The following TDRD7 variants were observed in gnomAD, a reference collection of about 807,000 sequenced individuals.
The protein encoded by TDRD7 is tudor domain containing 7.
In TDRD7, 47 loss-of-function variants were observed where a neutral mutation model predicts 109.8. That is an observed-to-expected ratio of 0.43 (90% CI 0.34 to 0.55). TDRD7 has a LOEUF of 0.55. Among genes scored for constraint, TDRD7 ranks in the 20% least tolerant of loss-of-function variants. The pLI is 0.03. For missense variants in TDRD7, 1,164 were observed against 1,319.2 expected, an observed-to-expected ratio of 0.88 and a Z score of 1.82; for synonymous variants, 424 against 457.3, an observed-to-expected ratio of 0.93 and a Z score of 0.93.
chr9:97,428,355 T>A, intron 1 of TDRD7, 105 bp from the exon 2 acceptor site: 2 of 1,097,914 alleles, frequency 1.8e-6, no homozygotes. Context: ...GCACAGAAAG[T>A]ATGCAGTAAT....
At position 97,487,716 on chromosome 9, in the gene TDRD7, A is replaced by G. The variant is rs199827735; in HGVS notation, c.3076+384A>G. The stretch of plus-strand genomic sequence containing the variant: ...TTAATGGGTGCAAAAATTCTATCTA[A>G]TCAATACTTCCCTATTGATGAACAT... On this transcript the variant is annotated intron_variant, in intron 16 of 16. Transcript: ENST00000355295. Among the ~76,000 whole-genome samples the G allele has an allele frequency of 1.4e-4, 21 of 152,044 alleles. No individual in the cohort carries two copies. In the East Asian group the frequency reaches 4.1e-3, roughly 29 times the overall value.
rs545688884 is a variant in TDRD7 at position 97,462,758 on chromosome 9, A to G, written c.1442+1994A>G. Among the ~76,000 whole-genome samples the G allele has an allele frequency of 5.4e-4, 83 of 152,332 alleles. 1 individual carries two copies. In the South Asian group the frequency reaches 0.016, roughly 30 times the overall value. Reference sequence around the variant, plus strand: ...ATTACCCACTGTCATACAAGCTGTAATGTCAGTCCTGCACTGTGCCTCATC... The same window carrying G: ...ATTACCCACTGTCATACAAGCTGTAGTGTCAGTCCTGCACTGTGCCTCATC... On this transcript the variant is annotated intron_variant, in intron 7 of 16. Coordinates refer to ENST00000355295, the MANE Select transcript of TDRD7 (RefSeq NM_014290.3).
Position 97,494,712 on chromosome 9 carries a change from A to AT in TDRD7, c.3077-938dup, listed in dbSNP as rs796852536. The stretch of plus-strand genomic sequence containing the variant: ...TATATATGTATATATATATATATAT[A>AT]TTTTTTTTTTTTTCGAGAGGGTCTC... On this transcript the variant is annotated intron_variant, in intron 16 of 16. Transcript: ENST00000355295. Among the ~76,000 whole-genome samples, 249 of 73,502 alleles carry AT rather than the reference A, an allele frequency of 3.4e-3. 1 individual carries two copies. The highest frequency in any genetic ancestry group is 0.025 in the Middle Eastern group (4 of 158). 48.2% of individuals were successfully genotyped at this position (73,502 alleles called of 152,430 possible). A position where few individuals can be genotyped will look rare whatever the true frequency, so the allele number is the denominator to read the frequency against.
At chr9:97,445,770 G>A (rs4129746) in intron 6 of TDRD7, among the ~76,000 whole-genome samples, 79,176 of 151,934 alleles carry the variant, frequency 0.52, 20,858 homozygotes, top group African/African-American at 0.59. Context: ...GAAACACAGC[G>A]GGTCTCAGCC....
rs1231043349 is a variant in TDRD7, at chr9:97,460,191, G to T, written c.869G>T (p.Cys290Phe). 6.2e-7 allele frequency: 1 copy of T among 1,614,194 alleles called. No homozygotes were observed. Among genetic ancestry groups the T allele is most frequent in the East Asian group, 2.2e-5 (1 of 44,884 alleles). Residue 290 changes from cysteine to phenylalanine, a missense_variant, in exon 7 of 17, where the codon TGC becomes TTC. By Grantham distance (205) the Cys-to-Phe change is radical. Transcript: ENST00000355295. ...WPHICTVEKP[C>F]SGGQDLLLYP... Reference sequence around the variant, plus strand: ...TAAAAATTTCAGGTGGAGAAACCTTGCAGTGGTGGCCAAGATTTACTTCTT... The same window carrying T: ...TAAAAATTTCAGGTGGAGAAACCTTTCAGTGGTGGCCAAGATTTACTTCTT...
At chr9:97,473,694 T>C in intron 11 of TDRD7, 68 bp downstream of exon 11, 1 of 1,605,110 alleles carries the variant, frequency 6.2e-7, no homozygotes, top group Non-Finnish European at 8.5e-7. Context: ...TTTACTAAAT[T>C]GCATAAGTAT....
intron 1 of TDRD7, among the ~76,000 whole-genome samples, chr9:97,418,745 T>G (rs979721163): frequency 6.6e-6 from 1 of 152,142 alleles, no homozygotes; most frequent in African/African-American, 2.4e-5. Context: ...GACCTGTCCT[T>G]TCAAACCTGA....
intron 16 of TDRD7, among the ~76,000 whole-genome samples, chr9:97,489,509 C>G (rs1238133863): frequency 6.6e-6 from 1 of 152,126 alleles, no homozygotes; most frequent in East Asian, 1.9e-4. Flanking sequence ...CTTTCTCCAT[C>G]CCTTTACTTT....
At chr9:97,490,909 C>CTTTTTTTTTTTT (rs1174656625) in intron 16 of TDRD7, among the ~76,000 whole-genome samples, 10 of 77,648 alleles carry the variant, frequency 1.3e-4, no homozygotes, top group Admixed American at 1.9e-4. Context: ...CTTTTCTTTT[C>CTTTTTTTTTTTT]TTTTTTTTTT....
At chr9:97,435,267 A>G (rs1032254085) in intron 4 of TDRD7, among the ~76,000 whole-genome samples, 2 of 152,106 alleles carry the variant, frequency 1.3e-5, no homozygotes, top group Non-Finnish European at 2.9e-5. Flanking sequence ...TGAAGGACAC[A>G]TGGGACCTCT....
chr9:97,495,855 A>G lies in TDRD7; in HGVS notation c.3269A>G (p.Tyr1090Cys), dbSNP rs754009712. 6.3e-5 allele frequency: 101 copies of G among 1,614,014 alleles called. No homozygotes were observed. The highest frequency in any genetic ancestry group is 8.5e-5 in the Non-Finnish European group (100 of 1,179,964). ...TGGATTCATGATTTTATGTCAGAGTATCTGATAGAGCTTTCAAAAGTTAAT... is the reference window on the plus strand; with the variant it reads ...TGGATTCATGATTTTATGTCAGAGTGTCTGATAGAGCTTTCAAAAGTTAAT... ...DTWIHDFMSE[Y>C]LIELSKVN The change falls in exon 17 of 17, where the codon TAT becomes TGT. Residue 1090 changes from tyrosine (Y) to cysteine (C), a missense_variant. Physicochemically the swap from Tyr to Cys is radical, Grantham distance 194. Around this residue, in one of 5 missense-constraint regions of TDRD7, gnomAD observed 162 missense variants for 222.5 expected, o/e 0.73. Transcript: ENST00000355295.
chr9:97,483,257 CT>C lies in TDRD7; in HGVS notation c.2822del (p.Leu941ArgfsTer5). 1 of 1,613,672 alleles carries C rather than the reference CT, an allele frequency of 6.2e-7. No individual in the cohort carries two copies. Among genetic ancestry groups the C allele is most frequent in the Non-Finnish European group, 8.5e-7 (1 of 1,179,798 alleles). On this transcript the variant is annotated frameshift_variant, in exon 15 of 17. Coordinates refer to ENST00000355295, the MANE Select transcript of TDRD7 (RefSeq NM_014290.3). LOFTEE classifies it high-confidence loss of function. Reference sequence around the variant, plus strand: ...GCAGGAGATACATAAGTTGGAAGTTCTGATGGAAGAGATGATTCTATATTAC... The same window carrying C: ...GCAGGAGATACATAAGTTGGAAGTTCGATGGAAGAGATGATTCTATATTAC... Reference protein sequence around the residue: ...PWQEIHKLEVLMEEMILYYSV... With the variant: ...PWQEIHKLEVXMEEMILYYSV...
chr9:97,474,401 C>T (rs1828975630), intron 11 of TDRD7, among the ~76,000 whole-genome samples: 1 of 152,128 alleles, frequency 6.6e-6, no homozygotes, highest in African/African-American at 2.4e-5. Context: ...CATTCATATT[C>T]AGGTTTATAT....
In TDRD7 at chr9:97,460,405, TC is replaced by T. The variant is rs1178717222; in HGVS notation, c.1085del (p.Pro362ArgfsTer10). On this transcript the variant is annotated frameshift_variant, in exon 7 of 17. Coordinates refer to ENST00000355295, the MANE Select transcript of TDRD7 (RefSeq NM_014290.3). LOFTEE classifies it high-confidence loss of function. ...CAAGTGGCCTTTGGGCCAGTGCACTTCCGAAAGCATTTGAGGAAATGTACAA... is the reference window on the plus strand; with the variant it reads ...CAAGTGGCCTTTGGGCCAGTGCACTTCGAAAGCATTTGAGGAAATGTACAA... Reference protein sequence around the residue: ...YTSGLWASALPKAFEEMYKVK... With the variant: ...YTSGLWASALXKAFEEMYKVK... The T allele has an allele frequency of 6.2e-7, 1 of 1,614,194 alleles. No homozygotes were observed. The highest frequency in any genetic ancestry group is 8.5e-7 in the Non-Finnish European group (1 of 1,180,036).
chr9:97,439,220 A>G, intron 4 of TDRD7, 25 bp from the exon 5 acceptor site: 2 of 1,398,166 alleles, frequency 1.4e-6, no homozygotes, highest in African/African-American at 1.5e-5. Flanking sequence ...CATTTATTTT[A>G]CTTTTTTTTT....
At chr9:97,413,784 G>C (rs1827764866) in intron 1 of TDRD7, among the ~76,000 whole-genome samples, 2 of 152,322 alleles carry the variant, frequency 1.3e-5, no homozygotes, top group African/African-American at 4.8e-5. Flanking sequence ...GAGACTGTGA[G>C]GCAGCAGTTG....
chr9:97,434,808 T>C (rs1034102885), intron 4 of TDRD7, among the ~76,000 whole-genome samples: 8 of 152,146 alleles, frequency 5.3e-5, no homozygotes, highest in African/African-American at 1.9e-4. Context: ...CAACAAACTG[T>C]ACACAGAATA....
intron 8 of TDRD7, among the ~76,000 whole-genome samples, chr9:97,468,978 T>C (rs777165048): frequency 1.3e-5 from 2 of 152,202 alleles, no homozygotes; most frequent in Non-Finnish European, 2.9e-5. Context: ...CATACAAACA[T>C]GTATGATTAA....
chr9:97,451,878 C>T (rs931114723), intron 6 of TDRD7, among the ~76,000 whole-genome samples: 1 of 151,930 alleles, frequency 6.6e-6, no homozygotes, highest in African/African-American at 2.4e-5. Context: ...AGTGGGGAGA[C>T]CCCCCCACCC....
Sources: gnomAD v4.1 joint callset for allele counts (sites outside exome capture counted in the v4.1 genomes callset) on GRCh38, gnomAD v4.1.1 for gene constraint, gnomAD v4.1.1 regional missense constraint, MANE v1.5 for transcripts, NCBI Gene and HGNC (gene_info 2026-07-23, HGNC 2026-07-21) for gene names.